HTR4: variants seen among roughly 807,000 people sequenced by gnomAD.
HTR4 encodes the protein 5-hydroxytryptamine receptor 4.
A neutral mutation model predicts 36.8 loss-of-function variants in HTR4; 16 were observed. That is an observed-to-expected ratio of 0.43 (90% CI 0.29 to 0.66). The LOEUF (loss-of-function observed/expected upper bound fraction) is 0.66, where lower values mean the gene tolerates loss of function less well. HTR4 is among the 30% of genes least tolerant of loss of function. The pLI, the probability that HTR4 is intolerant of heterozygous loss-of-function variation, is 0.13. For missense variants in HTR4, 438 were observed against 490.9 expected (o/e 0.89, Z 1.02); for synonymous variants, 189 against 185.1 (o/e 1.02, Z -0.17).
chr5:148,517,001 G>C (rs562059597), intron 5 of HTR4, among the ~76,000 whole-genome samples: 5 of 152,204 alleles, frequency 3.3e-5, no homozygotes, highest in South Asian at 4.2e-4. Flanking sequence ...TTTTCTTTTT[G>C]AGAGTGTAGC....
At chr5:148,600,198 G>C (rs1414936670) in intron 2 of HTR4, among the ~76,000 whole-genome samples, 1 of 149,766 alleles carries the variant, frequency 6.7e-6, no homozygotes, top group Non-Finnish European at 1.5e-5. Flanking sequence ...TTCCAAAAGT[G>C]TGTGCTGCTT....
Position 148,509,698 on chromosome 5 carries a change from G to T in HTR4, c.834C>A (p.Thr278=), listed in dbSNP as rs757959652. 2.5e-6 allele frequency: 4 copies of T among 1,614,056 alleles called. No individual in the cohort carries two copies. The highest frequency in any genetic ancestry group is 2.2e-5 in the East Asian group (1 of 44,858). Residue 278 remains threonine, a synonymous_variant, in exon 6 of 7, where the codon ACC becomes ACA. Transcript: ENST00000377888. ...FCLCWAPFFV[T]NIVDPFIDYT... is the part of the protein sequence containing the mutation. ...AGTCTATGAAAGGATCCACAATATT[G>T]GTGACAAAGAATGGTGCCCAGCAGA...
intron 2 of HTR4, among the ~76,000 whole-genome samples, chr5:148,623,059 G>A (rs1752971941): frequency 6.6e-6 from 1 of 152,130 alleles, no homozygotes; most frequent in Non-Finnish European, 1.5e-5. Context: ...GAAAAAGAGT[G>A]TTGGGCAGAG....
At chr5:148,562,248 A>G (rs1244767391) in intron 2 of HTR4, among the ~76,000 whole-genome samples, 1 of 152,124 alleles carries the variant, frequency 6.6e-6, no homozygotes, top group Admixed American at 6.5e-5. Context: ...CCGAAGAGAA[A>G]CTTTACTCCC....
At chr5:148,567,450 A>G (rs1326204418) in intron 2 of HTR4, among the ~76,000 whole-genome samples, 1 of 152,154 alleles carries the variant, frequency 6.6e-6, no homozygotes, top group Non-Finnish European at 1.5e-5. Context: ...CAGACAATGT[A>G]TGTTTTCCAC....
chr5:148,547,562 A>AAATAAATAAAT (rs1554094302), intron 4 of HTR4, among the ~76,000 whole-genome samples: 1 of 138,922 alleles, frequency 7.2e-6, no homozygotes, highest in African/African-American at 2.7e-5. Flanking sequence ...AAAATAAAAT[A>AAATAAATAAAT]AAATAAATAA....
chr5:148,479,542 A>C (rs1755809205), downstream of HTR4, among the ~76,000 whole-genome samples: 1 of 152,218 alleles, frequency 6.6e-6, no homozygotes, highest in Non-Finnish European at 1.5e-5. Context: ...TTATCAATTA[A>C]AAAATCTATG....
At chr5:148,477,144 T>C (rs1489402238), downstream of HTR4, among the ~76,000 whole-genome samples, 2 of 152,176 alleles carry the variant, frequency 1.3e-5, no homozygotes, top group African/African-American at 4.8e-5. Flanking sequence ...TGAAAGATAA[T>C]GTCAGTTGTA....
chr5:148,585,115 T>C (rs1761299533), intron 2 of HTR4, among the ~76,000 whole-genome samples: 2 of 152,162 alleles, frequency 1.3e-5, no homozygotes, highest in East Asian at 3.8e-4. Flanking sequence ...TGAATGCCAG[T>C]TTTCCCAATT....
chr5:148,619,680 G>A (rs1034615741), intron 2 of HTR4, among the ~76,000 whole-genome samples: 14 of 152,164 alleles, frequency 9.2e-5, no homozygotes, highest in Admixed American at 5.2e-4. Flanking sequence ...AAAATCCACA[G>A]AGGAGGATGT....
At chr5:148,649,710 A>C (rs1753978021) in intron 1 of HTR4, among the ~76,000 whole-genome samples, 1 of 150,718 alleles carries the variant, frequency 6.6e-6, no homozygotes, top group Non-Finnish European at 1.5e-5. Context: ...TCAAAATAAG[A>C]GGCAAAGCTT....
At chr5:148,550,078 T>C in intron 3 of HTR4, 59 bp downstream of exon 3, 1 of 1,565,638 alleles carries the variant, frequency 6.4e-7, no homozygotes, top group Non-Finnish European at 8.7e-7. Flanking sequence ...CACACCCAAC[T>C]CTCTAGGGAC....
At chr5:148,628,820 C>G (rs553703267) in intron 2 of HTR4, 19 of 152,288 alleles carry the variant, frequency 1.2e-4, no homozygotes, top group African/African-American at 4.6e-4. Flanking sequence ...AAATAATTCA[C>G]AGCTTCAATC....
chr5:148,574,256 C>T (rs960068554), intron 2 of HTR4, among the ~76,000 whole-genome samples: 2 of 152,084 alleles, frequency 1.3e-5, no homozygotes, highest in African/African-American at 2.4e-5. Flanking sequence ...CCCTATTCAG[C>T]TACAGACAGG....
intron 2 of HTR4, among the ~76,000 whole-genome samples, chr5:148,550,994 T>C: frequency 6.6e-6 from 1 of 152,042 alleles, no homozygotes; most frequent in East Asian, 1.9e-4. Context: ...ATTTGAGCTT[T>C]GCCTCCTGCT....
intron 4 of HTR4, among the ~76,000 whole-genome samples, chr5:148,526,072 A>C (rs1758261177): frequency 6.6e-6 from 1 of 152,144 alleles, no homozygotes; most frequent in African/African-American, 2.4e-5. Context: ...CTTCCCCTAC[A>C]AGTTCCAGAG....
chr5:148,536,773 C>A (rs1242193324), intron 4 of HTR4, among the ~76,000 whole-genome samples: 1 of 152,108 alleles, frequency 6.6e-6, no homozygotes, highest in Non-Finnish European at 1.5e-5. Flanking sequence ...GACAACAATG[C>A]CCACACAATA....
intron 5 of HTR4, chr5:148,520,990 G>C: frequency 7.3e-7 from 1 of 1,367,642 alleles, no homozygotes; most frequent in Non-Finnish European, 9.8e-7. Context: ...GCAGGACTAA[G>C]GGCTAAGAAT....
At position 148,509,481 on chromosome 5, in the gene HTR4, T is replaced by C. The variant is rs201388027; in HGVS notation, c.1051A>G (p.Ile351Val). The change falls in exon 6 of 7, where the codon ATT becomes GTT. Residue 351 changes from isoleucine (I) to valine (V), a missense_variant. Ile to Val is a conservative substitution (Grantham distance 29). Transcript: ENST00000377888. ...CTTAGTACATGTGTGGATCCATTAA[T>C]GGTTGTGGTTGAACAAGGGACAGTC... ...GQTVPCSTTT[I>V]NGSTHVLRDA... is the part of the protein sequence containing the mutation. 10 of 1,611,914 alleles carry C rather than the reference T, an allele frequency of 6.2e-6. No individual in the cohort carries two copies. Among genetic ancestry groups the C allele is most frequent in the African/African-American group, 1.3e-5 (1 of 74,906 alleles).
Sources: gnomAD v4.1 joint callset for allele counts (sites outside exome capture counted in the v4.1 genomes callset) on GRCh38, gnomAD v4.1.1 for gene constraint, MANE v1.5 for transcripts, NCBI Gene and HGNC (gene_info 2026-07-23, HGNC 2026-07-21) for gene names.